Variants in TNIP3 observed in about 807,000 individuals in gnomAD.
The protein encoded by TNIP3 is TNFAIP3-interacting protein 3.
In TNIP3, 34 loss-of-function variants were observed where a neutral mutation model predicts 54.1. The ratio of observed to expected loss-of-function variants is 0.63; its 90% CI spans 0.48 to 0.84. The LOEUF is 0.84. TNIP3 is among the 40% of genes least tolerant of loss of function. TNIP3 has a pLI of 0.00. For missense variants in TNIP3, 366 were observed against 387.6 expected (o/e 0.94, Z 0.47); for synonymous variants, 134 against 136.8 (o/e 0.98, Z 0.14).
intron 1 of TNIP3, among the ~76,000 whole-genome samples, chr4:121,225,407 C>T (rs1021654622): frequency 7.2e-5 from 11 of 152,156 alleles, no homozygotes; most frequent in Non-Finnish European, 1.5e-4. Flanking sequence ...TGTGCAATTT[C>T]ATTAGAAAAG....
chr4:121,175,021 C>A (rs559659066), intron 3 of TNIP3, among the ~76,000 whole-genome samples: 1 of 152,212 alleles, frequency 6.6e-6, no homozygotes, highest in Non-Finnish European at 1.5e-5. Flanking sequence ...CATCCACATC[C>A]TGTCACAAAG....
At chr4:121,179,721 C>T (rs1724566972) in intron 3 of TNIP3, among the ~76,000 whole-genome samples, 1 of 151,596 alleles carries the variant, frequency 6.6e-6, no homozygotes, top group Non-Finnish European at 1.5e-5. Flanking sequence ...AGTGGTGCAG[C>T]ATGGTGGCCC....
chr4:121,201,523 T>G (rs980158515), intron 2 of TNIP3, among the ~76,000 whole-genome samples: 1 of 152,216 alleles, frequency 6.6e-6, no homozygotes, highest in African/African-American at 2.4e-5. Context: ...ATTTTTGCCT[T>G]AGGCAAACTT....
At chr4:121,172,834 A>G (rs1579438666) in intron 3 of TNIP3, among the ~76,000 whole-genome samples, 1 of 152,350 alleles carries the variant, frequency 6.6e-6, no homozygotes, top group South Asian at 2.1e-4. Context: ...GGTCAATTAG[A>G]TAAATTATTT....
chr4:121,217,636 A>G (rs971660196), upstream of TNIP3, among the ~76,000 whole-genome samples: 6 of 152,228 alleles, frequency 3.9e-5, no homozygotes, highest in African/African-American at 1.4e-4. Flanking sequence ...TCTTGTTTAT[A>G]TGGAACGCTG....
chr4:121,176,552 TGA>T (rs1278265900), intron 3 of TNIP3, among the ~76,000 whole-genome samples: 8 of 151,896 alleles, frequency 5.3e-5, no homozygotes, highest in African/African-American at 1.9e-4. Context: ...ATGATGATGA[TGA>T]TAGTGTTGTG....
At chr4:121,142,578 C>T (rs951566239) in intron 8 of TNIP3, 148 bp downstream of exon 8, 1 of 710,206 alleles carries the variant, frequency 1.4e-6, no homozygotes, top group Non-Finnish European at 2.4e-6. Context: ...TGCCTAAGCA[C>T]TGTCTATCCG....
rs112783146 is a variant in TNIP3 at position 121,154,000 on chromosome 4, AAC to A, written c.492+549_492+550del. On this transcript the variant is annotated intron_variant, in intron 5 of 10. Coordinates refer to ENST00000057513, the MANE Select transcript of TNIP3 (RefSeq NM_024873.6). ...ACATGAATGAACTAGTCCATAAAAC[AAC>A]ACACACACACACACACACACCCCTG... Among the ~76,000 whole-genome samples, 1,450 of 148,744 alleles carry A rather than the reference AAC, an allele frequency of 9.7e-3. 24 individuals are homozygous for A. Among genetic ancestry groups the A allele is most frequent in the African/African-American group, 0.033 (1,338 of 40,792 alleles).
intron 6 of TNIP3, among the ~76,000 whole-genome samples, 177 bp from the exon 7 acceptor site, chr4:121,147,351 GA>G (rs1323284289): frequency 6.6e-6 from 1 of 152,180 alleles, no homozygotes; most frequent in Non-Finnish European, 1.5e-5. Context: ...TTTGATGTAT[GA>G]ATACTGCTTG....
upstream of TNIP3, among the ~76,000 whole-genome samples, chr4:121,217,062 C>T (rs1252451935): frequency 1.3e-5 from 2 of 152,122 alleles, no homozygotes; most frequent in Admixed American, 6.5e-5. Context: ...ATTTGTTTCT[C>T]ATTTTTTAAA....
At chr4:121,208,215 TAATA>T (rs979482114) in intron 2 of TNIP3, among the ~76,000 whole-genome samples, 10 of 152,196 alleles carry the variant, frequency 6.6e-5, no homozygotes, top group South Asian at 2.1e-4. Flanking sequence ...TCTATAGGAC[TAATA>T]AATTATCCAC....
chr4:121,154,484 C>A (rs764193327), intron 5 of TNIP3, 67 bp downstream of exon 5: 1 of 1,592,038 alleles, frequency 6.3e-7, no homozygotes, highest in Non-Finnish European at 8.6e-7. Flanking sequence ...TTTGTTGCGA[C>A]TGTCAGTAAG....
chr4:121,199,950 A>G (rs1725793370), intron 2 of TNIP3, among the ~76,000 whole-genome samples: 1 of 152,196 alleles, frequency 6.6e-6, no homozygotes, highest in African/African-American at 2.4e-5. Flanking sequence ...GCATATGCCC[A>G]GAAGAAAGGG....
chr4:121,173,603 C>G (rs1724121772), intron 3 of TNIP3, among the ~76,000 whole-genome samples: 1 of 152,116 alleles, frequency 6.6e-6, no homozygotes, highest in Admixed American at 6.5e-5. Flanking sequence ...GTACTTTGCT[C>G]ATGTGTTGAC....
intron 3 of TNIP3, among the ~76,000 whole-genome samples, chr4:121,177,716 A>G (rs988069275): frequency 6.6e-6 from 1 of 152,148 alleles, no homozygotes; most frequent in Admixed American, 6.5e-5. Context: ...CCAAATAGAA[A>G]TTTTCTTATA....
At chr4:121,137,477 T>C (rs1223416117) in intron 10 of TNIP3, 3 of 152,468 alleles carry the variant, frequency 2.0e-5, no homozygotes, top group African/African-American at 7.2e-5. Context: ...TATTTTATTA[T>C]GGAATTCTCA....
rs1268429216 is a variant in TNIP3 at position 121,224,372 on chromosome 4, AAAG to A, written c.3+3010_3+3012del. Among the ~76,000 whole-genome samples, 22 of 141,942 alleles carry A rather than the reference AAAG, an allele frequency of 1.5e-4. No individual in the cohort carries two copies. In the South Asian group the frequency reaches 4.4e-3, roughly 28 times the overall value. 93.1% of individuals were successfully genotyped at this position (141,942 alleles called of 152,430 possible). A position where few individuals can be genotyped will look rare whatever the true frequency, so the allele number is the denominator to read the frequency against. On this transcript the variant is annotated intron_variant, in intron 1 of 12. Transcript: ENST00000509841. ...AGCAAGACTCTGTCTCAAAAAATAA[AAAG>A]AAAAAAGAAAAAAGAAAAAGAAAAG...
At chr4:121,156,600 A>G (rs1253269637) in intron 4 of TNIP3, among the ~76,000 whole-genome samples, 3 of 152,202 alleles carry the variant, frequency 2.0e-5, no homozygotes, top group Non-Finnish European at 4.4e-5. Context: ...GATAATGAGG[A>G]CGAAGGCTTT....
At chr4:121,143,188 C>A (rs1326624268) in intron 7 of TNIP3, among the ~76,000 whole-genome samples, 1 of 152,180 alleles carries the variant, frequency 6.6e-6, no homozygotes, top group Non-Finnish European at 1.5e-5. Flanking sequence ...TGAATTCTCC[C>A]AATCCCTCTA....
Sources: allele counts gnomAD v4.1 joint callset (sites outside exome capture counted in the v4.1 genomes callset), GRCh38; gene constraint gnomAD v4.1.1; transcripts MANE v1.5; gene names NCBI Gene and HGNC (gene_info 2026-07-23, HGNC 2026-07-21).